Variants in OVCH1 observed in about 807,000 individuals in gnomAD.
The protein encoded by OVCH1 is ovochymase 1, also known as ovochymase-1.
A neutral mutation model predicts 138.4 loss-of-function variants in OVCH1; 139 were observed. The observed-to-expected ratio is 1.00, with a 90% CI of 0.87 to 1.16. OVCH1 has a LOEUF of 1.16. OVCH1 is among the 50% of genes most tolerant of loss of function. OVCH1 has a pLI of 0.00. For missense variants in OVCH1, 1,367 were observed against 1,357.9 expected (o/e 1.01, Z -0.11); for synonymous variants, 453 against 467.8 (o/e 0.97, Z 0.41).
rs1943414561 is a variant in OVCH1, at chr12:29,496,298, C to G, written c.184-20G>C. On this transcript the variant is annotated intron_variant, in intron 2 of 27. Coordinates refer to ENST00000318184, the Ensembl canonical transcript of OVCH1. ...GGAGACCTACCCAAGAAGAAAGTTA[C>G]AAATGCAGCTAATATGTCTCCCCAC... 1 of 1,557,520 alleles carries G rather than the reference C, an allele frequency of 6.4e-7. No individual in the cohort carries two copies. The highest frequency in any genetic ancestry group is 1.4e-5 in the African/African-American group (1 of 73,732).
At chr12:29,468,741 G>A (rs1176410922) in intron 16 of OVCH1, among the ~76,000 whole-genome samples, 3 of 152,018 alleles carry the variant, frequency 2.0e-5, no homozygotes, top group African/African-American at 2.4e-5. Context: ...TGAAAATATT[G>A]TATGAACTCA....
intron 8 of OVCH1, among the ~76,000 whole-genome samples, 183 bp downstream of exon 8, chr12:29,486,067 T>A (rs969517620): frequency 6.6e-6 from 1 of 152,084 alleles, no homozygotes; most frequent in African/African-American, 2.4e-5. Flanking sequence ...CTCAAAAGTT[T>A]TAGATGCCAG....
At chr12:29,428,810 T>TAA (rs1941220783) in intron 27 of OVCH1, among the ~76,000 whole-genome samples, 2 of 152,194 alleles carry the variant, frequency 1.3e-5, no homozygotes, top group South Asian at 4.1e-4. Context: ...GTGGCAGAAC[T>TAA]AAGAGGAAAC....
chr12:29,474,293 G>C (rs890862360), intron 14 of OVCH1, among the ~76,000 whole-genome samples: 2 of 152,126 alleles, frequency 1.3e-5, no homozygotes, highest in African/African-American at 2.4e-5. Flanking sequence ...TCTGGAGTCA[G>C]AGAGGCCAAG....
rs1266661721 is a variant in OVCH1 at position 29,496,560 on chromosome 12, C to T, written c.179G>A (p.Trp60Ter). The change falls in exon 2 of 28, where the codon TGG (tryptophan) becomes TAG (stop). Residue 60 changes from tryptophan to a stop codon, truncating the protein, a stop_gained. Transcript: ENST00000318184. LOFTEE classifies it high-confidence loss of function. ...CAATGCCTTTGTTGCACTGACCTGCCATGGATGTCCAGTCACTGTTGAATT... is the reference window on the plus strand; with the variant it reads ...CAATGCCTTTGTTGCACTGACCTGCTATGGATGTCCAGTCACTGTTGAATT... 1.9e-6 allele frequency: 3 copies of T among 1,598,330 alleles called. No homozygotes were observed. Among genetic ancestry groups the T allele is most frequent in the Non-Finnish European group, 1.7e-6 (2 of 1,166,708 alleles).
intron 8 of OVCH1, among the ~76,000 whole-genome samples, chr12:29,479,821 TTTC>T (rs1191823631): frequency 3.0e-5 from 4 of 133,200 alleles, no homozygotes; most frequent in Admixed American, 7.7e-5. Flanking sequence ...AACTCTTTTT[TTTC>T]TTTTTTTTTT....
At chr12:29,491,312 A>G (rs1943267093) in intron 4 of OVCH1, 120 bp from the exon 5 acceptor site, 3 of 853,718 alleles carry the variant, frequency 3.5e-6, no homozygotes, top group Middle Eastern at 2.6e-4. Context: ...TAATGGTGAC[A>G]TATTTTAAGT....
chr12:29,410,308 T>C (rs977793258), downstream of OVCH1, among the ~76,000 whole-genome samples: 3 of 150,964 alleles, frequency 2.0e-5, no homozygotes, highest in African/African-American at 7.3e-5. Flanking sequence ...AGTCCATTTA[T>C]ATTTAAAGTT....
At chr12:29,459,742 A>G (rs754134085) in intron 19 of OVCH1, among the ~76,000 whole-genome samples, 2 of 152,178 alleles carry the variant, frequency 1.3e-5, no homozygotes, top group Admixed American at 6.5e-5. Flanking sequence ...CATGTCCCCC[A>G]TAAATATATA....
chr12:29,476,794 C>CGTT (rs1942746215), intron 12 of OVCH1, among the ~76,000 whole-genome samples: 1 of 104,076 alleles, frequency 9.6e-6, no homozygotes, highest in Admixed American at 9.4e-5. Context: ...CACACACACA[C>CGTT]ACACACACAC....
downstream of OVCH1, among the ~76,000 whole-genome samples, chr12:29,410,787 T>C (rs1205726533): frequency 1.3e-5 from 2 of 151,650 alleles, no homozygotes; most frequent in Non-Finnish European, 2.9e-5. Flanking sequence ...CAATTATGTT[T>C]CTTGGAGTTG....
rs534669513 is a variant in OVCH1, at chr12:29,492,668, G to A, written c.455-1476C>T. 2.0e-5 allele frequency among the ~76,000 whole-genome samples: 3 copies of A among 152,286 alleles called. No individual in the cohort carries two copies. The South Asian group carries it at 6.2e-4, about 32-fold the overall frequency. On this transcript the variant is annotated intron_variant, in intron 4 of 27. Coordinates refer to ENST00000318184, the Ensembl canonical transcript of OVCH1. ...GATTTTCTGACTCATTGGATGTACAGTGTCCAAGAGAAGAATCAAGGATGA... is the reference window on the plus strand; with the variant it reads ...GATTTTCTGACTCATTGGATGTACAATGTCCAAGAGAAGAATCAAGGATGA...
At chr12:29,466,414 C>T (rs1046903088) in intron 16 of OVCH1, among the ~76,000 whole-genome samples, 1 of 141,182 alleles carries the variant, frequency 7.1e-6, no homozygotes, top group Admixed American at 6.7e-5. Flanking sequence ...GACAAGGTAG[C>T]TTCTGGTCTA....
At chr12:29,421,871 CAT>C (rs1168057514) in intron 3 of OVCH1, among the ~76,000 whole-genome samples, 17 of 152,058 alleles carry the variant, frequency 1.1e-4, no homozygotes, top group Non-Finnish European at 2.9e-5. Context: ...TCATACCAGA[CAT>C]GTATTTAAAA....
At chr12:29,434,548 A>G (rs1202782011) in intron 26 of OVCH1, among the ~76,000 whole-genome samples, 1 of 152,190 alleles carries the variant, frequency 6.6e-6, no homozygotes, top group Admixed American at 6.5e-5. Context: ...AAAGAAGCAC[A>G]AGAAATTGAA....
intron 16 of OVCH1, among the ~76,000 whole-genome samples, chr12:29,471,006 AT>A (rs1290220780): frequency 6.6e-6 from 1 of 152,106 alleles, no homozygotes; most frequent in African/African-American, 2.4e-5. Context: ...TGTTGGCCAC[AT>A]AAATGTCTTT....
In OVCH1 at chr12:29,476,419, G is replaced by A. The variant is rs1294370281; in HGVS notation, c.1378-120C>T. 1.4e-5 allele frequency: 11 copies of A among 807,452 alleles called. No individual in the cohort carries two copies. The Admixed American group carries it at 1.9e-4, about 14-fold the overall frequency. The allele number at this position is 807,452 out of a possible 1,614,324, so 50.0% of individuals were successfully genotyped here. On this transcript the variant is annotated intron_variant, in intron 12 of 27. Coordinates refer to ENST00000318184, the Ensembl canonical transcript of OVCH1. ...CATCCTCATATGCCTTCACATAGAAGTGTAAATAATTGCAGTCTCTTTGAA... is the reference window on the plus strand; with the variant it reads ...CATCCTCATATGCCTTCACATAGAAATGTAAATAATTGCAGTCTCTTTGAA...
chr12:29,411,961 A>G (rs1368380824), downstream of OVCH1, among the ~76,000 whole-genome samples: 1 of 132,060 alleles, frequency 7.6e-6, no homozygotes, highest in African/African-American at 2.5e-5. Flanking sequence ...GGCTCCACCC[A>G]GTTCAAGCTT....
At chr12:29,471,665 G>T in intron 16 of OVCH1, 137 bp downstream of exon 16, 2 of 957,274 alleles carry the variant, frequency 2.1e-6, no homozygotes, top group Non-Finnish European at 1.5e-6. Context: ...TAGCTAGATG[G>T]CTATGCAGAA....
Sources: gnomAD v4.1 joint callset for allele counts (sites outside exome capture counted in the v4.1 genomes callset) on GRCh38, gnomAD v4.1.1 for gene constraint, MANE v1.5 for transcripts, NCBI Gene and HGNC (gene_info 2026-07-23, HGNC 2026-07-21) for gene names.